Variants in PCDHA4 observed in about 807,000 individuals in gnomAD.
PCDHA4 encodes the protein protocadherin alpha-4.
A neutral mutation model predicts 61.4 loss-of-function variants in PCDHA4; 49 were observed. That is an observed-to-expected ratio of 0.80 (90% CI 0.63 to 1.01). The LOEUF is 1.01. Ranked by LOEUF, PCDHA4 falls within the 50% of genes least tolerant of loss-of-function variation. The pLI, the probability that PCDHA4 is intolerant of heterozygous loss-of-function variation, is 0.00. For missense variants in PCDHA4, 1,254 were observed against 1,235.8 expected (o/e 1.01, Z -0.22); for synonymous variants, 590 against 550.3 (o/e 1.07, Z -1.01).
intron 1 of PCDHA4, among the ~76,000 whole-genome samples, chr5:140,846,008 T>C (rs1253798347): frequency 1.3e-5 from 2 of 149,708 alleles, no homozygotes; most frequent in African/African-American, 2.4e-5. Context: ...ATGAAAAAAA[T>C]CTAAAAGTTA....
rs116814228 is a variant in PCDHA4, at chr5:140,916,284, C to T, written c.2386-62665C>T. ...AGAGCATGCTTGTTGCTCTACTCCACGTGGCCAAACTGGTACCAAAGGTGC... is the reference window on the plus strand; with the variant it reads ...AGAGCATGCTTGTTGCTCTACTCCATGTGGCCAAACTGGTACCAAAGGTGC... On this transcript the variant is annotated intron_variant, in intron 1 of 3. Coordinates refer to ENST00000530339, the MANE Select transcript of PCDHA4 (RefSeq NM_018907.4). Among the ~76,000 whole-genome samples the T allele has an allele frequency of 8.7e-3, 1,322 of 152,308 alleles. 14 individuals carry two copies. The highest frequency in any genetic ancestry group is 0.03 in the African/African-American group (1,254 of 41,566).
At chr5:140,853,463 A>G in intron 1 of PCDHA4, 1 of 972,934 alleles carries the variant, frequency 1.0e-6, no homozygotes, top group Non-Finnish European at 1.2e-6. Context: ...CCTTATATGC[A>G]TCTGTAGTTA....
intron 1 of PCDHA4, among the ~76,000 whole-genome samples, chr5:140,907,507 T>C (rs1358466312): frequency 2.0e-5 from 3 of 152,230 alleles, no homozygotes; most frequent in Admixed American, 6.5e-5. Context: ...TAAGTGTCTA[T>C]TCCAGTGAGG....
chr5:140,828,486 T>C, intron 1 of PCDHA4: 1 of 1,614,194 alleles, frequency 6.2e-7, no homozygotes, highest in Non-Finnish European at 8.5e-7. Flanking sequence ...AACCCGCCCT[T>C]GTTCCCGGTA....
chr5:140,871,476 G>A (rs1437006996), intron 1 of PCDHA4: 1 of 1,598,568 alleles, frequency 6.3e-7, no homozygotes, highest in Admixed American at 1.7e-5. Flanking sequence ...AGGAGCCAGG[G>A]TCAAATCACC....
intron 1 of PCDHA4, chr5:140,841,549 G>T (rs781866504): frequency 6.2e-6 from 10 of 1,613,710 alleles, no homozygotes; most frequent in East Asian, 2.2e-5. Context: ...ACCTTCTGGA[G>T]GTAAGTCTGC....
chr5:140,977,345 T>C lies in PCDHA4; in HGVS notation c.2386-1604T>C, dbSNP rs139865600. Among the ~76,000 whole-genome samples, 25 of 152,342 alleles carry C rather than the reference T, an allele frequency of 1.6e-4. No homozygotes were observed. In the East Asian group the frequency reaches 4.8e-3, roughly 29 times the overall value. ...ATGGCGAGGGGAGAGACGGTGATGATGACTGATTGATAAAAAGTATTTTAG... is the reference window on the plus strand; with the variant it reads ...ATGGCGAGGGGAGAGACGGTGATGACGACTGATTGATAAAAAGTATTTTAG... On this transcript the variant is annotated intron_variant, in intron 1 of 3. Transcript: ENST00000530339.
chr5:140,904,828 A>G (rs1196362639), intron 1 of PCDHA4, among the ~76,000 whole-genome samples: 7 of 151,794 alleles, frequency 4.6e-5, no homozygotes, highest in African/African-American at 1.7e-4. Flanking sequence ...GCATTTTTTT[A>G]TATGTTTCAT....
intron 1 of PCDHA4, chr5:140,824,194 C>T (rs1389599382): frequency 3.7e-6 from 6 of 1,601,264 alleles, no homozygotes; most frequent in Non-Finnish European, 5.1e-6. Context: ...TCACATTCAC[C>T]CACTTTTTTT....
chr5:140,812,871 CCT>C (rs1765192585), intron 1 of PCDHA4: 1 of 152,106 alleles, frequency 6.6e-6, no homozygotes, highest in African/African-American at 2.4e-5. Context: ...TTTGATTTCC[CCT>C]TTCATTCAAA....
At chr5:140,941,648 T>C (rs975692197) in intron 1 of PCDHA4, among the ~76,000 whole-genome samples, 1 of 152,074 alleles carries the variant, frequency 6.6e-6, no homozygotes, top group Non-Finnish European at 1.5e-5. Context: ...TTCCTACAAC[T>C]TATGTCCAAT....
At chr5:140,830,442 G>GTACC (rs1771071526) in intron 1 of PCDHA4, 1 of 1,608,220 alleles carries the variant, frequency 6.2e-7, no homozygotes. Flanking sequence ...ATTATGATGG[G>GTACC]TAAGGCGGAG....
chr5:140,843,125 G>A (rs2150353393), intron 1 of PCDHA4: 2 of 1,595,922 alleles, frequency 1.3e-6, no homozygotes, highest in East Asian at 2.2e-5. Flanking sequence ...CGCCGACTCG[G>A]GCTACAACGC....
chr5:140,952,822 G>A (rs1364476088), intron 1 of PCDHA4, among the ~76,000 whole-genome samples: 3 of 152,184 alleles, frequency 2.0e-5, no homozygotes, highest in Non-Finnish European at 4.4e-5. Context: ...TGTACAGGAA[G>A]CATGATGCTG....
chr5:140,967,740 A>G, intron 1 of PCDHA4: 6 of 1,614,170 alleles, frequency 3.7e-6, no homozygotes, highest in Non-Finnish European at 5.1e-6. Flanking sequence ...GGGCTGGATT[A>G]TGAGGAAGCC....
At chr5:140,822,785 T>C in intron 1 of PCDHA4, 1 of 1,614,074 alleles carries the variant, frequency 6.2e-7, no homozygotes, top group Non-Finnish European at 8.5e-7. Context: ...AAAGTAGTAG[T>C]GAAACTCCTG....
intron 1 of PCDHA4, chr5:140,927,766 GAGGTGCA>G: frequency 6.2e-7 from 1 of 1,614,234 alleles, no homozygotes. Context: ...TAAAAGTGGG[GAGGTGCA>G]AGTAGCTGCT....
At chr5:140,924,049 T>C (rs1554201723) in intron 1 of PCDHA4, among the ~76,000 whole-genome samples, 1 of 152,254 alleles carries the variant, frequency 6.6e-6, no homozygotes, top group East Asian at 1.9e-4. Flanking sequence ...AAAAGTTCGG[T>C]ACATCTTTAC....
intron 1 of PCDHA4, among the ~76,000 whole-genome samples, chr5:140,826,477 T>G (rs2150143939): frequency 6.6e-6 from 1 of 152,310 alleles, no homozygotes; most frequent in Non-Finnish European, 1.5e-5. Flanking sequence ...GGCATTTTAC[T>G]GTATATCAGA....
Sources: gnomAD v4.1 joint callset for allele counts (sites outside exome capture counted in the v4.1 genomes callset) on GRCh38, gnomAD v4.1.1 for gene constraint, MANE v1.5 for transcripts, NCBI Gene and HGNC (gene_info 2026-07-23, HGNC 2026-07-21) for gene names.